RNF125: variants seen among roughly 807,000 people sequenced by gnomAD.
RNF125 encodes the protein E3 ubiquitin-protein ligase RNF125.
Under a neutral mutation model 26.0 loss-of-function variants are expected in RNF125, and 21 were observed. That is an observed-to-expected ratio of 0.81 (90% confidence interval 0.57 to 1.16). RNF125 has a LOEUF of 1.16. Among genes scored for constraint, RNF125 ranks in the 50% most tolerant of loss-of-function variants. RNF125 has a pLI of 0.00. For synonymous variants in RNF125, 95 were observed against 109.2 expected (o/e 0.87, Z 0.81); for missense variants, 270 against 299.4 (o/e 0.90, Z 0.72).
chr18:32,051,694 C>CT (rs71177837), intron 4 of RNF125, among the ~76,000 whole-genome samples: 54,736 of 117,840 alleles, frequency 0.46, 13,049 homozygotes, highest in Non-Finnish European at 0.55. Flanking sequence ...TATTTTCTTT[C>CT]TTTTTTTTTT....
At position 32,019,014 on chromosome 18, in the gene RNF125, C is replaced by T; in HGVS notation, c.151C>T (p.Arg51Cys). ...LEVLHQPVRT[R>C]CGHVFCRSCI... ...GGTGTTACACCAGCCTGTCCGGACC[C>T]GCTGTGGCCACGTGTAAGTTCCAGG... Residue 51 changes from arginine to cysteine, a missense_variant, in exon 1 of 6, where the codon CGC (arginine) becomes TGC (cysteine). Arg to Cys is a radical substitution (Grantham distance 180). Coordinates refer to ENST00000217740, the MANE Select transcript of RNF125 (RefSeq NM_017831.4). The T allele has an allele frequency of 6.2e-7, 1 of 1,612,774 alleles. No homozygotes were observed. Among genetic ancestry groups the T allele is most frequent in the Non-Finnish European group, 8.5e-7 (1 of 1,179,474 alleles).
In RNF125 at chr18:32,018,887, C is replaced by G. The variant is rs759640087; in HGVS notation, c.24C>G (p.Asp8Glu). 120 of 1,594,160 alleles carry G rather than the reference C, an allele frequency of 7.5e-5. No individual in the cohort carries two copies. In the Middle Eastern group the frequency reaches 8.3e-4, roughly 11 times the overall value. MGSVLST[D>E]SGKSAPASAT... ...CGATGGGCTCCGTGCTGAGCACCGA[C>G]AGCGGCAAATCGGCGCCCGCCTCTG... The change falls in exon 1 of 6, where the codon GAC becomes GAG. Residue 8 changes from aspartate (D) to glutamate (E), a missense_variant. Transcript: ENST00000217740.
At chr18:32,064,208 CTGGTCATG>C (rs2039460821) in intron 4 of RNF125, among the ~76,000 whole-genome samples, 1 of 151,404 alleles carries the variant, frequency 6.6e-6, no homozygotes, top group South Asian at 2.1e-4. Flanking sequence ...GTTAGCCAGG[CTGGTCATG>C]AACTCCTACC....
chr18:32,057,667 TAAGA>T (rs2039398842), intron 4 of RNF125, among the ~76,000 whole-genome samples: 1 of 152,130 alleles, frequency 6.6e-6, no homozygotes. Flanking sequence ...GTACTGGAGT[TAAGA>T]AAGGTGTTCT....
At chr18:32,031,074 C>T (rs1261336919) in intron 1 of RNF125, 1 of 152,052 alleles carries the variant, frequency 6.6e-6, no homozygotes, top group Non-Finnish European at 1.5e-5. Flanking sequence ...GAAGGTTCCA[C>T]CTCTCAATAC....
chr18:32,082,648 G>A, the RNF125 span, among the ~76,000 whole-genome samples: 1 of 152,178 alleles, frequency 6.6e-6, no homozygotes, highest in Non-Finnish European at 1.5e-5. Context: ...GCCAGCCTTG[G>A]CTCTTCAATT....
chr18:32,072,394 C>T lies in RNF125; in HGVS notation c.*4010C>T, dbSNP rs1202423024. The T allele has an allele frequency of 2.6e-5, 4 of 152,010 alleles. No individual in the cohort carries two copies. The highest frequency in any genetic ancestry group is 6.6e-5 in the Admixed American group (1 of 15,246). 9.4% of individuals were successfully genotyped at this position (152,010 alleles called of 1,614,324 possible). A position where few individuals can be genotyped will look rare whatever the true frequency, so the allele number is the denominator to read the frequency against. On this transcript the variant is annotated 3_prime_UTR_variant, in exon 6 of 6. Coordinates refer to ENST00000217740, the MANE Select transcript of RNF125 (RefSeq NM_017831.4). ...CAGACAAACTTTTGTTAATTCAGAG[C>T]GATACAAAAGGCACTTTGAATCTAT...
chr18:32,083,183 T>TA, the RNF125 span, among the ~76,000 whole-genome samples: 1 of 152,358 alleles, frequency 6.6e-6, no homozygotes, highest in Admixed American at 6.5e-5. Context: ...TTGTGGTACA[T>TA]AACAGGTGGT....
At chr18:32,041,010 C>G (rs72934872) in intron 2 of RNF125, among the ~76,000 whole-genome samples, 45,641 of 152,094 alleles carry the variant, frequency 0.3, 8,185 homozygotes, top group South Asian at 0.42. Flanking sequence ...ACAATTATAA[C>G]TGTTTCCTTG....
chr18:32,025,911 C>G (rs1007564928), intron 1 of RNF125, among the ~76,000 whole-genome samples: 1 of 151,446 alleles, frequency 6.6e-6, no homozygotes, highest in African/African-American at 2.4e-5. Context: ...TTCAAAAGGC[C>G]AATACAGTTT....
At chr18:32,026,044 G>GAGCC (rs1297204877) in intron 1 of RNF125, among the ~76,000 whole-genome samples, 2 of 150,096 alleles carry the variant, frequency 1.3e-5, no homozygotes, top group African/African-American at 2.4e-5. Context: ...TTTGACCACA[G>GAGCC]AGCCATCTTT....
chr18:32,043,927 C>G (rs1231685621), intron 3 of RNF125, among the ~76,000 whole-genome samples: 1 of 151,938 alleles, frequency 6.6e-6, no homozygotes, highest in East Asian at 1.9e-4. Context: ...AGTGAGCAAA[C>G]AACTCCAAGA....
At chr18:32,026,383 G>C (rs2039036485) in intron 1 of RNF125, among the ~76,000 whole-genome samples, 1 of 151,652 alleles carries the variant, frequency 6.6e-6, no homozygotes, top group Non-Finnish European at 1.5e-5. Context: ...CGAGTAGCTG[G>C]GACTACGAGG....
intron 4 of RNF125, among the ~76,000 whole-genome samples, chr18:32,051,550 G>C (rs1056785852): frequency 2.7e-5 from 4 of 148,454 alleles, no homozygotes; most frequent in African/African-American, 4.9e-5. Context: ...AGGAAGCGGA[G>C]GTTGCAGTGA....
intron 3 of RNF125, 119 bp downstream of exon 3, chr18:32,042,392 A>T: frequency 1.5e-6 from 1 of 667,278 alleles, no homozygotes; most frequent in Non-Finnish European, 2.5e-6. Flanking sequence ...TATGTTCTTA[A>T]CTATAATACC....
At chr18:32,076,300 G>T, downstream of RNF125, 1 of 325,156 alleles carries the variant, frequency 3.1e-6, no homozygotes. Context: ...ATTGTGGAAA[G>T]AGGTTTTTTT....
intron 2 of RNF125, among the ~76,000 whole-genome samples, chr18:32,038,117 CG>C (rs2039179434): frequency 6.8e-6 from 1 of 147,014 alleles, no homozygotes; most frequent in Non-Finnish European, 1.5e-5. Flanking sequence ...GGCGCCATCT[CG>C]GCCCACTGCA....
At position 32,053,667 on chromosome 18, in the gene RNF125, A is replaced by AGGAGGCAGGAGGATTGCTTGAGCGCG. The variant is rs1367601243; in HGVS notation, c.504+7941_504+7966dup. Among the ~76,000 whole-genome samples, 4 of 151,906 alleles carry AGGAGGCAGGAGGATTGCTTGAGCGCG rather than the reference A, an allele frequency of 2.6e-5. No homozygotes were observed. In the East Asian group the frequency reaches 7.8e-4, roughly 30 times the overall value. ...GCCAGGCACATTGGCGTGTGCCTCT[A>AGGAGGCAGGAGGATTGCTTGAGCGCG]GGAGGCAGGAGGATTGCTTGAGCGC... On this transcript the variant is annotated intron_variant, in intron 4 of 5. Transcript: ENST00000217740.
intron 4 of RNF125, among the ~76,000 whole-genome samples, chr18:32,051,118 T>G (rs2039322824): frequency 1.3e-5 from 2 of 152,092 alleles, no homozygotes; most frequent in Non-Finnish European, 2.9e-5. Context: ...TGATACTCAT[T>G]AATTTCAGCT....
Sources: gnomAD v4.1 joint callset for allele counts (sites outside exome capture counted in the v4.1 genomes callset) on GRCh38, gnomAD v4.1.1 for gene constraint, MANE v1.5 for transcripts, NCBI Gene and HGNC (gene_info 2026-07-23, HGNC 2026-07-21) for gene names.